SPIDR: variants seen among roughly 807,000 people sequenced by gnomAD.
The protein encoded by SPIDR is DNA repair-scaffolding protein.
Under a neutral mutation model 104.6 loss-of-function variants are expected in SPIDR, and 93 were observed. That is an observed-to-expected ratio of 0.89 (90% CI 0.75 to 1.06). The LOEUF is 1.06. Ranked by LOEUF, SPIDR falls within the 50% of genes least tolerant of loss-of-function variation. The probability of loss-of-function intolerance (pLI) is 0.00; values close to 1 mark genes in which losing one functional copy is unlikely to be tolerated. For missense variants in SPIDR, 1,154 were observed against 1,111.2 expected, an observed-to-expected ratio of 1.04 and a Z score of -0.55; for synonymous variants, 431 against 416.9, an observed-to-expected ratio of 1.03 and a Z score of -0.41.
At chr8:47,734,240 G>A (rs1039632985) in intron 19 of SPIDR, among the ~76,000 whole-genome samples, 6 of 151,960 alleles carry the variant, frequency 3.9e-5, no homozygotes, top group Non-Finnish European at 1.5e-5. Context: ...TGGATCCCAC[G>A]GGCCAGCTGG....
chr8:47,357,418 C>G (rs1448081569), intron 5 of SPIDR, among the ~76,000 whole-genome samples: 2 of 152,202 alleles, frequency 1.3e-5, no homozygotes, highest in Non-Finnish European at 2.9e-5. Context: ...CAGTGTATGT[C>G]TCGTGGTTAC....
intron 7 of SPIDR, 64 bp from the exon 8 acceptor site, chr8:47,440,259 A>G: frequency 7.0e-7 from 1 of 1,420,196 alleles, no homozygotes; most frequent in Non-Finnish European, 9.8e-7. Flanking sequence ...ATGACACTTT[A>G]TTCACGCTTG....
chr8:47,484,396 G>T (rs1219985005), intron 8 of SPIDR, among the ~76,000 whole-genome samples: 2 of 152,234 alleles, frequency 1.3e-5, no homozygotes, highest in Middle Eastern at 3.2e-3. Context: ...CACCTAGGGT[G>T]GGCTCAGCTG....
At position 47,735,868 on chromosome 8, in the gene SPIDR, C is replaced by T; in HGVS notation, c.*418C>T. ...ACCCTGCAAAGTGTAAACCTTTGTC[C>T]CATACTGTGATATTACTGTTCTGCT... On this transcript the variant is annotated 3_prime_UTR_variant, in exon 20 of 20. Coordinates refer to ENST00000297423, the MANE Select transcript of SPIDR (RefSeq NM_001080394.4). 1 of 317,318 alleles carries T rather than the reference C, an allele frequency of 3.2e-6. No individual in the cohort carries two copies. The highest frequency in any genetic ancestry group is 3.0e-5 in the South Asian group (1 of 33,340). The allele number at this position is 317,318 out of a possible 1,614,324, so 19.7% of individuals were successfully genotyped here.
intron 10 of SPIDR, among the ~76,000 whole-genome samples, chr8:47,622,798 C>A (rs536361688): frequency 1.3e-5 from 2 of 152,296 alleles, no homozygotes; most frequent in African/African-American, 4.8e-5. Context: ...TTGCAAGTAA[C>A]CTCATACATT....
intron 8 of SPIDR, among the ~76,000 whole-genome samples, chr8:47,575,946 C>T (rs1343713512): frequency 1.4e-5 from 2 of 145,138 alleles, no homozygotes; most frequent in South Asian, 2.2e-4. Flanking sequence ...GGCGACAGAG[C>T]GAGATTCCTT....
intron 8 of SPIDR, among the ~76,000 whole-genome samples, chr8:47,525,642 A>C (rs921179669): frequency 6.6e-6 from 1 of 152,132 alleles, no homozygotes; most frequent in Admixed American, 6.5e-5. Flanking sequence ...CTCTACCAAA[A>C]ATACAAAAAT....
At chr8:47,728,449 A>G (rs1429898359) in intron 17 of SPIDR, among the ~76,000 whole-genome samples, 2 of 152,056 alleles carry the variant, frequency 1.3e-5, no homozygotes, top group Non-Finnish European at 2.9e-5. Flanking sequence ...TCTCAAAGAA[A>G]AGGAAAAAAA....
chr8:47,271,488 G>A (rs1278152187), intron 1 of SPIDR, among the ~76,000 whole-genome samples: 1 of 151,974 alleles, frequency 6.6e-6, no homozygotes. Context: ...GGCCAAATCT[G>A]CTGTTGAGCT....
chr8:47,376,050 A>C (rs569851484), intron 5 of SPIDR, among the ~76,000 whole-genome samples: 1 of 152,226 alleles, frequency 6.6e-6, no homozygotes, highest in African/African-American at 2.4e-5. Context: ...TTTCAAAATC[A>C]TCTCTCACTG....
chr8:47,587,098 T>C (rs1349976241), intron 8 of SPIDR, among the ~76,000 whole-genome samples: 1 of 152,022 alleles, frequency 6.6e-6, no homozygotes, highest in Non-Finnish European at 1.5e-5. Flanking sequence ...GATCAAATTT[T>C]TTATCTTAAG....
chr8:47,368,518 G>A (rs1460519497), intron 5 of SPIDR, among the ~76,000 whole-genome samples: 1 of 152,138 alleles, frequency 6.6e-6, no homozygotes, highest in Admixed American at 6.5e-5. Context: ...CAGCCATCTT[G>A]GTAAACATGC....
At chr8:47,491,584 G>C (rs1249882875) in intron 8 of SPIDR, among the ~76,000 whole-genome samples, 1 of 151,988 alleles carries the variant, frequency 6.6e-6, no homozygotes, top group Non-Finnish European at 1.5e-5. Flanking sequence ...CCAAACCTAC[G>C]TGCAGAGATC....
intron 8 of SPIDR, among the ~76,000 whole-genome samples, chr8:47,458,530 C>G (rs1287649700): frequency 1.3e-5 from 2 of 151,582 alleles, no homozygotes; most frequent in Non-Finnish European, 2.9e-5. Flanking sequence ...ATTCTAGGAG[C>G]TTTTCGGAGG....
intron 8 of SPIDR, among the ~76,000 whole-genome samples, chr8:47,502,188 G>A (rs538952486): frequency 2.0e-5 from 3 of 152,202 alleles, no homozygotes; most frequent in African/African-American, 4.8e-5. Context: ...CTCTTTTTCT[G>A]TTGATTGGAA....
chr8:47,613,969 G>A (rs970971394), intron 10 of SPIDR, among the ~76,000 whole-genome samples: 7 of 151,964 alleles, frequency 4.6e-5, no homozygotes, highest in African/African-American at 1.7e-4. Flanking sequence ...CCATCACCTG[G>A]GTATTAAGCC....
chr8:47,703,920 AG>A (rs1257051274), intron 14 of SPIDR, among the ~76,000 whole-genome samples: 1 of 152,208 alleles, frequency 6.6e-6, no homozygotes, highest in Non-Finnish European at 1.5e-5. Context: ...GCCACCGAGT[AG>A]GATGCAAGCT....
At chr8:47,420,872 T>G (rs564297885) in intron 7 of SPIDR, among the ~76,000 whole-genome samples, 137 of 152,374 alleles carry the variant, frequency 9.0e-4, no homozygotes, top group African/African-American at 3.2e-3. Flanking sequence ...CTTATGAAGC[T>G]TAGTTTGGCT....
chr8:47,654,691 G>A (rs1441835179), intron 10 of SPIDR, among the ~76,000 whole-genome samples: 1 of 152,130 alleles, frequency 6.6e-6, no homozygotes, highest in East Asian at 1.9e-4. Context: ...ACTCATATAA[G>A]ACATTATCTT....
Sources: gnomAD v4.1 joint callset for allele counts (sites outside exome capture counted in the v4.1 genomes callset) on GRCh38, gnomAD v4.1.1 for gene constraint, MANE v1.5 for transcripts, NCBI Gene and HGNC (gene_info 2026-07-23, HGNC 2026-07-21) for gene names.